The following CTPS2 variants were observed in gnomAD, a reference collection of about 807,000 sequenced individuals.
The protein encoded by CTPS2 is CTP synthase 2.
A neutral mutation model predicts 46.8 loss-of-function variants in CTPS2; 19 were observed. That is an observed-to-expected ratio of 0.41 (90% CI 0.28 to 0.60). The LOEUF is 0.60. Among genes scored for constraint, CTPS2 ranks in the 20% least tolerant of loss-of-function variants. The probability of loss-of-function intolerance (pLI) is 0.35; values close to 1 mark genes in which losing one functional copy is unlikely to be tolerated. For missense variants in CTPS2, 286 were observed against 447.6 expected (o/e 0.64, Z 3.26); for synonymous variants, 151 against 165.2 (o/e 0.91, Z 0.66).
At chrX:16,593,362 G>C (rs1255079307) in intron 17 of CTPS2, among the ~76,000 whole-genome samples, 3 of 104,278 alleles carry the variant, frequency 2.9e-5, no homozygotes, top group Non-Finnish European at 3.9e-5. Flanking sequence ...CCGGGAGGCG[G>C]AGCTTGCAAC....
At chrX:16,666,142 G>A (rs901307627) in intron 13 of CTPS2, among the ~76,000 whole-genome samples, 1 of 112,011 alleles carries the variant, frequency 8.9e-6, no homozygotes, top group African/African-American at 3.2e-5. Context: ...TGTGAGGCGC[G>A]AGCTCCATTA....
intron 10 of CTPS2, among the ~76,000 whole-genome samples, chrX:16,676,482 T>TG (rs1347753580): frequency 6.2e-5 from 7 of 112,446 alleles, no homozygotes; most frequent in African/African-American, 2.3e-4. Flanking sequence ...AATAAGGTTC[T>TG]GTCAAAGCCA....
At chrX:16,694,865 G>A (rs768820568) in intron 4 of CTPS2, among the ~76,000 whole-genome samples, 2 of 111,756 alleles carry the variant, frequency 1.8e-5, no homozygotes, top group East Asian at 2.8e-4. Flanking sequence ...ATGGCGGCAC[G>A]GCGCCTATGG....
chrX:16,698,442 C>T, intron 3 of CTPS2, 106 bp from the exon 4 acceptor site: 1 of 517,980 alleles, frequency 1.9e-6, no homozygotes, highest in Non-Finnish European at 3.3e-6. Flanking sequence ...GTTACCCTGA[C>T]ATATTTTTGG....
intron 15 of CTPS2, among the ~76,000 whole-genome samples, chrX:16,618,843 C>T (rs1930668458): frequency 1.8e-5 from 2 of 112,018 alleles, no homozygotes; most frequent in African/African-American, 3.2e-5. Flanking sequence ...TTATCCAATA[C>T]AGGATTTAAT....
At chrX:16,650,953 T>C (rs1399837545) in intron 13 of CTPS2, 6 of 1,129,469 alleles carry the variant, frequency 5.3e-6, no homozygotes, top group Non-Finnish European at 7.2e-6. Flanking sequence ...AGCACAAAAC[T>C]GTACTTCAGC....
intron 13 of CTPS2, among the ~76,000 whole-genome samples, chrX:16,651,432 A>G (rs1283005276): frequency 2.7e-5 from 3 of 111,789 alleles, no homozygotes; most frequent in African/African-American, 9.8e-5. Context: ...CACCAAGCAA[A>G]CCCAATAAGG....
rs1334791360 is a variant in CTPS2 at position 16,684,509 on chromosome X, C to CAAAAA, written c.873-1288_873-1284dup. Reference sequence around the variant, plus strand: ...AGGCCACAGAGCGAGACTCTGTCTCCAAAAAAAAAAAAAAAAAAACAAAAA... The same window carrying CAAAAA: ...AGGCCACAGAGCGAGACTCTGTCTCCAAAAAAAAAAAAAAAAAAAAAAAACAAAAA... On this transcript the variant is annotated intron_variant, in intron 8 of 18. Coordinates refer to ENST00000359276, the MANE Select transcript of CTPS2 (RefSeq NM_175859.3). Among the ~76,000 whole-genome samples, 4 of 70,033 alleles carry CAAAAA rather than the reference C, an allele frequency of 5.7e-5. 1 individual carries two copies. The highest frequency in any genetic ancestry group is 1.6e-4 in the Admixed American group (1 of 6,288). The allele number at this position is 70,033 out of a possible 115,157, so 60.8% of individuals were successfully genotyped here. A position where few individuals can be genotyped will look rare whatever the true frequency, so the allele number is the denominator to read the frequency against.
intron 17 of CTPS2, among the ~76,000 whole-genome samples, chrX:16,602,366 A>C (rs1929718366): frequency 9.0e-6 from 1 of 110,813 alleles, no homozygotes; most frequent in South Asian, 3.9e-4. Flanking sequence ...AGGAAACTAC[A>C]AAGTGGTATG....
At chrX:16,593,212 G>A (rs757653013) in intron 17 of CTPS2, among the ~76,000 whole-genome samples, 2 of 111,402 alleles carry the variant, frequency 1.8e-5, no homozygotes, top group South Asian at 3.8e-4. Context: ...GGCGGATCAC[G>A]AGGTCAGGAG....
intron 2 of CTPS2, among the ~76,000 whole-genome samples, chrX:16,701,061 G>A (rs1924512163): frequency 9.0e-6 from 1 of 111,458 alleles, no homozygotes; most frequent in East Asian, 2.8e-4. Flanking sequence ...AAACTCCAAG[G>A]TCAAAGGGCA....
At chrX:16,645,131 C>T (rs1446249723) in intron 13 of CTPS2, among the ~76,000 whole-genome samples, 3 of 110,042 alleles carry the variant, frequency 2.7e-5, no homozygotes, top group African/African-American at 9.9e-5. Context: ...TACAGGCGCC[C>T]GCCACCATGC....
intron 17 of CTPS2, among the ~76,000 whole-genome samples, chrX:16,603,430 A>AATAAATAAATAG (rs1929787316): frequency 9.6e-6 from 1 of 104,477 alleles, no homozygotes; most frequent in African/African-American, 3.7e-5. Context: ...TAAATAAATA[A>AATAAATAAATAG]ATAAATAAAT....
intron 6 of CTPS2, among the ~76,000 whole-genome samples, 153 bp downstream of exon 6, chrX:16,692,988 C>T (rs1232660794): frequency 1.9e-5 from 2 of 106,248 alleles, no homozygotes; most frequent in African/African-American, 6.9e-5. Flanking sequence ...ACCCAGGAGG[C>T]GGAGGTTGCA....
At chrX:16,607,001 C>G (rs1394363573) in intron 17 of CTPS2, among the ~76,000 whole-genome samples, 1 of 112,635 alleles carries the variant, frequency 8.9e-6, no homozygotes. Context: ...ATCTGCCCAC[C>G]TCGGCCTCCC....
At chrX:16,689,780 A>T (rs1267066608) in intron 7 of CTPS2, among the ~76,000 whole-genome samples, 179 bp from the exon 8 acceptor site, 1 of 112,011 alleles carries the variant, frequency 8.9e-6, no homozygotes, top group Non-Finnish European at 1.9e-5. Context: ...GGTTAGCTTC[A>T]TTTAATTAGA....
At chrX:16,605,200 G>A (rs1217619775) in intron 17 of CTPS2, among the ~76,000 whole-genome samples, 1 of 111,863 alleles carries the variant, frequency 8.9e-6, no homozygotes, top group Non-Finnish European at 1.9e-5. Flanking sequence ...AAATGCCTAT[G>A]TGACCAGCCC....
rs934807516 is a variant in CTPS2, at chrX:16,619,301, A to G, written c.1449+976T>C. On this transcript the variant is annotated intron_variant, in intron 15 of 18. Coordinates refer to ENST00000359276, the MANE Select transcript of CTPS2 (RefSeq NM_175859.3). Reference sequence around the variant, plus strand: ...TGGTTCTAACTGGTCTAAGCCAAACATAATAAACCCAGCCCTCTTGGAAGA... The same window carrying G: ...TGGTTCTAACTGGTCTAAGCCAAACGTAATAAACCCAGCCCTCTTGGAAGA... 6.2e-5 allele frequency among the ~76,000 whole-genome samples: 7 copies of G among 112,116 alleles called. No homozygotes were observed. In the Admixed American group the frequency reaches 6.6e-4, roughly 11 times the overall value.
At chrX:16,650,670 G>A (rs1467635745) in intron 13 of CTPS2, among the ~76,000 whole-genome samples, 1 of 108,784 alleles carries the variant, frequency 9.2e-6, no homozygotes, top group Non-Finnish European at 1.9e-5. Context: ...GCACCACCAC[G>A]CCTGGCTAAT....
Sources: gnomAD v4.1 joint callset for allele counts (sites outside exome capture counted in the v4.1 genomes callset) on GRCh38, gnomAD v4.1.1 for gene constraint, MANE v1.5 for transcripts, NCBI Gene and HGNC (gene_info 2026-07-23, HGNC 2026-07-21) for gene names.